NRXN1: variants seen among roughly 807,000 people sequenced by gnomAD.
NRXN1 encodes neurexin 1.
Under a neutral mutation model 150.9 loss-of-function variants are expected in NRXN1, and 39 were observed. The ratio of observed to expected loss-of-function variants is 0.26; its 90% confidence interval spans 0.20 to 0.34. NRXN1 has a LOEUF of 0.34. Among genes scored for constraint, NRXN1 ranks in the 10% least tolerant of loss-of-function variants. NRXN1 has a pLI of 1.00. For missense variants in NRXN1, 1,815 were observed against 1,949.9 expected (o/e 0.93, Z 1.30); for synonymous variants, 924 against 757.0 (o/e 1.22, Z -3.62).
chr2:50,324,656 C>G (rs1258130250), intron 17 of NRXN1, among the ~76,000 whole-genome samples: 2 of 152,218 alleles, frequency 1.3e-5, no homozygotes. Context: ...ATTCTCCTGC[C>G]TCAGCCTCCC....
chr2:50,035,980 T>C lies in NRXN1; in HGVS notation c.4128+17291A>G, dbSNP rs137905503. On this transcript the variant is annotated intron_variant, in intron 21 of 22. Coordinates refer to ENST00000401669, the MANE Select transcript of NRXN1 (RefSeq NM_001330078.2). ...TGTCAGCTAAACAAATTAGCTGCCC[T>C]GAAATCACATGTACCCACAAGGAAT... is the stretch of plus-strand genomic sequence containing the variant. Among the ~76,000 whole-genome samples the C allele has an allele frequency of 4.7e-4, 72 of 152,240 alleles. 1 individual carries two copies. In the East Asian group the frequency reaches 0.014, roughly 29 times the overall value.
chr2:49,989,568 G>T (rs1209629290), intron 21 of NRXN1, among the ~76,000 whole-genome samples: 1 of 152,166 alleles, frequency 6.6e-6, no homozygotes, highest in African/African-American at 2.4e-5. Flanking sequence ...ACGGAGCCAT[G>T]AAGTATCTTA....
At chr2:50,070,976 G>T (rs924805014) in intron 19 of NRXN1, among the ~76,000 whole-genome samples, 2 of 152,088 alleles carry the variant, frequency 1.3e-5, no homozygotes, top group Non-Finnish European at 2.9e-5. Flanking sequence ...TATTTCTAGT[G>T]ATCTCTAAAT....
At chr2:49,932,194 T>C (rs190328662) in intron 22 of NRXN1, among the ~76,000 whole-genome samples, 2 of 152,230 alleles carry the variant, frequency 1.3e-5, no homozygotes, top group African/African-American at 2.4e-5. Context: ...GAGAGGAGTA[T>C]TGCTTGAAGC....
intron 17 of NRXN1, among the ~76,000 whole-genome samples, chr2:50,384,415 C>T (rs1384712693): frequency 7.0e-6 from 1 of 142,294 alleles, no homozygotes; most frequent in Admixed American, 7.6e-5. Context: ...CTAAGGCAGG[C>T]GAATTGCTTG....
chr2:50,906,586 C>T lies in NRXN1; in HGVS notation c.832+15283G>A, dbSNP rs556304608. Among the ~76,000 whole-genome samples the T allele has an allele frequency of 5.3e-5, 8 of 152,202 alleles. No homozygotes were observed. In the South Asian group the frequency reaches 1.7e-3, roughly 31 times the overall value. On this transcript the variant is annotated intron_variant, in intron 5 of 22. Coordinates refer to ENST00000401669, the MANE Select transcript of NRXN1 (RefSeq NM_001330078.2). ...TGCATTTTTTAAATCTGTTCTCTTGCCAGAATAATCTTTTGAAACAACCAA... is the reference window on the plus strand; with the variant it reads ...TGCATTTTTTAAATCTGTTCTCTTGTCAGAATAATCTTTTGAAACAACCAA...
chr2:50,322,682 C>A (rs2076130207), intron 17 of NRXN1, among the ~76,000 whole-genome samples: 1 of 151,996 alleles, frequency 6.6e-6, no homozygotes. Context: ...TTTTATTTTC[C>A]CATTAGTTAT....
chr2:50,587,619 T>C (rs1232834589), intron 8 of NRXN1, among the ~76,000 whole-genome samples: 1 of 152,194 alleles, frequency 6.6e-6, no homozygotes. Flanking sequence ...TATAGTTATT[T>C]GGATGTGTAC....
chr2:50,812,260 G>A (rs914092113), intron 5 of NRXN1, among the ~76,000 whole-genome samples: 1 of 152,120 alleles, frequency 6.6e-6, no homozygotes, highest in African/African-American at 2.4e-5. Context: ...ACTTTGTCTA[G>A]CAACATGTTC....
chr2:50,524,659 T>C (rs1268575086), intron 12 of NRXN1, among the ~76,000 whole-genome samples: 1 of 152,074 alleles, frequency 6.6e-6, no homozygotes, highest in African/African-American at 2.4e-5. Flanking sequence ...CTGAATCCAC[T>C]GAATCCACTG....
chr2:50,621,241 G>T lies in NRXN1; in HGVS notation c.1143C>A (p.Gly381=). Residue 381 remains glycine, a synonymous_variant, in exon 7 of 23, where the codon GGC becomes GGA. Transcript: ENST00000401669. The part of the protein sequence containing the change: ...KVTRNLRQHS[G]IGHAMVTISV... The stretch of plus-strand genomic sequence containing the variant: ...GTTTGTTTACCATAGCGTGTCCAAT[G>T]CCTGAGTGCTTTGTGGAGAAGGGGG... The T allele has an allele frequency of 6.4e-7, 1 of 1,571,400 alleles. No individual in the cohort carries two copies. The highest frequency in any genetic ancestry group is 8.6e-7 in the Non-Finnish European group (1 of 1,156,462).
At chr2:50,658,345 G>C (rs1355292431) in intron 5 of NRXN1, among the ~76,000 whole-genome samples, 3 of 147,746 alleles carry the variant, frequency 2.0e-5, no homozygotes, top group Non-Finnish European at 3.0e-5. Flanking sequence ...TCAGAAACAG[G>C]GCAAAAAAAA....
At chr2:50,330,163 G>A (rs2081192347) in intron 17 of NRXN1, among the ~76,000 whole-genome samples, 2 of 152,032 alleles carry the variant, frequency 1.3e-5, no homozygotes, top group African/African-American at 4.8e-5. Flanking sequence ...AGTCTGCACA[G>A]TAGGCTTCTA....
intron 21 of NRXN1, among the ~76,000 whole-genome samples, chr2:49,982,468 A>T (rs1047625624): frequency 8.6e-6 from 1 of 116,038 alleles, no homozygotes; most frequent in African/African-American, 2.8e-5. Context: ...CAAAAAAGTA[A>T]ATCTACTTAA....
intron 18 of NRXN1, among the ~76,000 whole-genome samples, chr2:50,144,073 T>C (rs755901133): frequency 6.6e-6 from 1 of 151,912 alleles, no homozygotes; most frequent in Non-Finnish European, 1.5e-5. Flanking sequence ...TTATTCACTA[T>C]CATCCCCACT....
intron 5 of NRXN1, chr2:50,917,993 T>C (rs1357849210): frequency 6.6e-6 from 1 of 151,686 alleles, no homozygotes; most frequent in Non-Finnish European, 1.5e-5. Context: ...CATGGTAATA[T>C]TAGATATTAC....
intron 2 of NRXN1, among the ~76,000 whole-genome samples, chr2:50,943,044 A>T (rs1356036029): frequency 6.6e-6 from 1 of 151,930 alleles, no homozygotes; most frequent in Non-Finnish European, 1.5e-5. Context: ...CTGGTGATAG[A>T]ATTCTTAGGA....
In NRXN1 at chr2:50,346,662, C is replaced by A; in HGVS notation, c.3365-109692G>T. ...TAGAAAGAGGGGAGCGAGGGGATAACCCGCGAGAACTTGGCATCGCAGACC... is the reference window on the plus strand; with the variant it reads ...TAGAAAGAGGGGAGCGAGGGGATAAACCGCGAGAACTTGGCATCGCAGACC... On this transcript the variant is annotated intron_variant, in intron 17 of 22. Transcript: ENST00000401669. The surrounding 1 kb of genome is among the most constrained non-coding windows in gnomAD (Gnocchi z 5.0). The A allele has an allele frequency of 6.2e-7, 1 of 1,610,850 alleles. No individual in the cohort carries two copies. The highest frequency in any genetic ancestry group is 8.5e-7 in the Non-Finnish European group (1 of 1,177,728).
chr2:50,171,784 G>C (rs1189684837), intron 18 of NRXN1, among the ~76,000 whole-genome samples: 1 of 152,138 alleles, frequency 6.6e-6, no homozygotes, highest in Non-Finnish European at 1.5e-5. Context: ...AGATTAGCAG[G>C]GTTACTGACA....
Sources: gnomAD v4.1 joint callset for allele counts (sites outside exome capture counted in the v4.1 genomes callset) on GRCh38, gnomAD v4.1.1 for gene constraint, Gnocchi (gnomAD v3.1) non-coding constraint, MANE v1.5 for transcripts, NCBI Gene and HGNC (gene_info 2026-07-23, HGNC 2026-07-21) for gene names.